Variants in TGFBR3 observed in about 807,000 individuals in gnomAD.
TGFBR3 encodes the protein transforming growth factor beta receptor type 3.
A neutral mutation model predicts 87.9 loss-of-function variants in TGFBR3; 46 were observed. That is an observed-to-expected ratio of 0.52 (90% confidence interval 0.41 to 0.67). The LOEUF is 0.67. TGFBR3 is among the 30% of genes least tolerant of loss of function. TGFBR3 has a pLI of 0.00. For missense variants in TGFBR3, 866 were observed against 1,041.9 expected (o/e 0.83, Z 2.32); for synonymous variants, 381 against 391.6 (o/e 0.97, Z 0.32).
chr1:91,713,288 C>T (rs572774554), intron 12 of TGFBR3, among the ~76,000 whole-genome samples: 1 of 152,170 alleles, frequency 6.6e-6, no homozygotes, highest in Non-Finnish European at 1.5e-5. Context: ...CTTGTATGGG[C>T]TACGTCCAAA....
chr1:91,780,462 A>G (rs2100961691), intron 3 of TGFBR3, among the ~76,000 whole-genome samples: 1 of 145,662 alleles, frequency 6.9e-6, no homozygotes, highest in African/African-American at 2.5e-5. Context: ...GAGAGCAGTG[A>G]TTCTTGTAAA....
intron 3 of TGFBR3, among the ~76,000 whole-genome samples, chr1:91,761,932 TCC>T: frequency 6.6e-6 from 1 of 152,274 alleles, no homozygotes; most frequent in South Asian, 2.1e-4. Flanking sequence ...CAAATAAATA[TCC>T]CATGAAGAAA....
intron 2 of TGFBR3, among the ~76,000 whole-genome samples, chr1:91,804,131 T>A (rs1013149373): frequency 7.9e-5 from 12 of 152,102 alleles, no homozygotes; most frequent in Non-Finnish European, 1.6e-4. Flanking sequence ...GACTTCCTGC[T>A]TTCACTCTTT....
chr1:91,905,549 C>T (rs1303544740), intron 1 of TGFBR3, among the ~76,000 whole-genome samples: 1 of 152,162 alleles, frequency 6.6e-6, no homozygotes, highest in Non-Finnish European at 1.5e-5. Context: ...TCTCGTGCCT[C>T]AGCCTCCCAA....
chr1:91,738,366 T>C (rs991919377), intron 4 of TGFBR3, among the ~76,000 whole-genome samples: 4 of 152,200 alleles, frequency 2.6e-5, no homozygotes, highest in African/African-American at 9.7e-5. Flanking sequence ...ACCCCCAACG[T>C]TTCACATGGG....
chr1:91,734,643 A>C, intron 5 of TGFBR3, 133 bp downstream of exon 5: 1 of 1,157,852 alleles, frequency 8.6e-7, no homozygotes. Flanking sequence ...CCTGGGGCCA[A>C]ATGACCCCTC....
chr1:91,752,181 C>A (rs1465584247), intron 4 of TGFBR3, among the ~76,000 whole-genome samples: 1 of 152,074 alleles, frequency 6.6e-6, no homozygotes, highest in African/African-American at 2.4e-5. Flanking sequence ...TACAGGACAC[C>A]CAGTTAAAGT....
chr1:91,749,319 CTG>C, intron 4 of TGFBR3, among the ~76,000 whole-genome samples: 1 of 152,174 alleles, frequency 6.6e-6, no homozygotes, highest in East Asian at 1.9e-4. Context: ...CAGGTATACA[CTG>C]TGTCATTCAC....
intron 1 of TGFBR3, chr1:91,905,759 AG>A (rs1211955176): frequency 6.6e-6 from 1 of 152,262 alleles, no homozygotes; most frequent in Non-Finnish European, 1.5e-5. Context: ...GCAGTATCAA[AG>A]CACTTTTGGT....
intron 2 of TGFBR3, among the ~76,000 whole-genome samples, chr1:91,824,814 G>C (rs931958326): frequency 2.0e-5 from 3 of 152,094 alleles, no homozygotes; most frequent in African/African-American, 7.2e-5. Context: ...ACAAATATTA[G>C]CCGAGCATGG....
chr1:91,733,454 C>T (rs889803702), intron 5 of TGFBR3, among the ~76,000 whole-genome samples: 1 of 152,192 alleles, frequency 6.6e-6, no homozygotes, highest in African/African-American at 2.4e-5. Flanking sequence ...CACGTAGCAT[C>T]CTCTCCGACG....
intron 4 of TGFBR3, among the ~76,000 whole-genome samples, chr1:91,757,417 C>T (rs1673784789): frequency 6.6e-6 from 1 of 152,178 alleles, no homozygotes; most frequent in Admixed American, 6.5e-5. Context: ...TATATAGTCA[C>T]TATTTTTTAT....
At chr1:91,792,196 G>T (rs1038518907) in intron 3 of TGFBR3, among the ~76,000 whole-genome samples, 1 of 152,128 alleles carries the variant, frequency 6.6e-6, no homozygotes, top group South Asian at 2.1e-4. Flanking sequence ...CTCGCAAGCT[G>T]CACCCTTCTT....
Position 91,716,509 on chromosome 1 carries a change from T to C in TGFBR3, c.1707+59A>G, listed in dbSNP as rs762941816. ...ATTTTATTTTCAGATAGTCCCTAACTAAAGCCAACAAAATAGACAGCATTT... is the reference window on the plus strand; with the variant it reads ...ATTTTATTTTCAGATAGTCCCTAACCAAAGCCAACAAAATAGACAGCATTT... On this transcript the variant is annotated intron_variant, in intron 11 of 16. Coordinates refer to ENST00000212355, the MANE Select transcript of TGFBR3 (RefSeq NM_003243.5). The C allele has an allele frequency of 4.5e-4, 724 of 1,613,882 alleles. 1 individual carries two copies. Among genetic ancestry groups the C allele is most frequent in the Non-Finnish European group, 5.5e-4 (644 of 1,179,928 alleles).
At chr1:91,766,198 C>CTTTTTTTTTTT (rs749978314) in intron 3 of TGFBR3, among the ~76,000 whole-genome samples, 3 of 114,456 alleles carry the variant, frequency 2.6e-5, no homozygotes, top group Admixed American at 1.1e-4. Context: ...AGTTTGTTTT[C>CTTTTTTTTTTT]TTTTTTTTTT....
chr1:91,702,244 C>T (rs1188487678), intron 14 of TGFBR3, among the ~76,000 whole-genome samples: 2 of 152,184 alleles, frequency 1.3e-5, no homozygotes, highest in Non-Finnish European at 2.9e-5. Context: ...GTCCACTATA[C>T]ACCTACCATA....
rs1248487212 is a variant in TGFBR3 at position 91,682,083 on chromosome 1, T to C, written c.*1656A>G. Reference sequence around the variant, plus strand: ...GTTCCTTATTGAATGTGTATATCTATCAGGTAAGTCATATTATTACTCAAC... The same window carrying C: ...GTTCCTTATTGAATGTGTATATCTACCAGGTAAGTCATATTATTACTCAAC... On this transcript the variant is annotated 3_prime_UTR_variant, in exon 17 of 17. Coordinates refer to ENST00000212355, the MANE Select transcript of TGFBR3 (RefSeq NM_003243.5). The C allele has an allele frequency of 4.4e-6, 2 of 454,058 alleles. No individual in the cohort carries two copies. The highest frequency in any genetic ancestry group is 4.7e-5 in the Admixed American group (2 of 42,566). 28.1% of individuals were successfully genotyped at this position (454,058 alleles called of 1,614,324 possible). A position where few individuals can be genotyped will look rare whatever the true frequency, so the allele number is the denominator to read the frequency against.
At chr1:91,861,819 A>G (rs1348009429) in intron 1 of TGFBR3, 175 bp from the exon 2 acceptor site, 1 of 401,180 alleles carries the variant, frequency 2.5e-6, no homozygotes. Flanking sequence ...AAAGATTTTT[A>G]TAGCAAATAC....
chr1:91,725,044 TTA>T (rs1366408140), intron 7 of TGFBR3, among the ~76,000 whole-genome samples: 2 of 152,234 alleles, frequency 1.3e-5, no homozygotes, highest in Non-Finnish European at 2.9e-5. Context: ...ATCTATTTTT[TTA>T]TGTTTTAGAG....
Sources: allele counts gnomAD v4.1 joint callset (sites outside exome capture counted in the v4.1 genomes callset), GRCh38; gene constraint gnomAD v4.1.1; transcripts MANE v1.5; gene names NCBI Gene and HGNC (gene_info 2026-07-23, HGNC 2026-07-21).